The following OSBPL2 variants were observed in gnomAD, a reference collection of about 807,000 sequenced individuals.
OSBPL2 encodes oxysterol-binding protein-related protein 2.
OSBPL2 carries 18 observed loss-of-function variants against 58.4 expected under a neutral mutation model. The ratio of observed to expected loss-of-function variants is 0.31; its 90% CI spans 0.21 to 0.46. OSBPL2 has a LOEUF of 0.46. Among genes scored for constraint, OSBPL2 ranks in the 20% least tolerant of loss-of-function variants. OSBPL2 has a pLI of 1.00. For synonymous variants in OSBPL2, 221 were observed against 234.1 expected (o/e 0.94, Z 0.51); for missense variants, 461 against 616.5 (o/e 0.75, Z 2.67).
At chr20:62,266,367 A>G (rs1267960213) in intron 4 of OSBPL2, among the ~76,000 whole-genome samples, 1 of 152,154 alleles carries the variant, frequency 6.6e-6, no homozygotes, top group African/African-American at 2.4e-5. Context: ...TCTTTTTACT[A>G]CTTCTCAGCT....
rs369717951 is a variant in OSBPL2 at position 62,262,951 on chromosome 20, A to T, written c.183-665A>T. Reference sequence around the variant, plus strand: ...TGTGGGTCTGGCACGCCTCTCCCCAAATCCAAGTTTATGTCTCCATTCAGG... The same window carrying T: ...TGTGGGTCTGGCACGCCTCTCCCCATATCCAAGTTTATGTCTCCATTCAGG... On this transcript the variant is annotated intron_variant, in intron 3 of 13. Coordinates refer to ENST00000313733, the MANE Select transcript of OSBPL2 (RefSeq NM_144498.4). Among the ~76,000 whole-genome samples the T allele has an allele frequency of 1.1e-4, 17 of 152,078 alleles. No homozygotes were observed. In the East Asian group the frequency reaches 2.5e-3, roughly 22 times the overall value.
chr20:62,268,497 C>T (rs1165955142), intron 4 of OSBPL2, among the ~76,000 whole-genome samples: 1 of 152,168 alleles, frequency 6.6e-6, no homozygotes, highest in African/African-American at 2.4e-5. Flanking sequence ...ATCTTCTCCC[C>T]ACTTCTCCCC....
chr20:62,283,282 A>G (rs776554920), intron 9 of OSBPL2, among the ~76,000 whole-genome samples: 4 of 152,102 alleles, frequency 2.6e-5, no homozygotes, highest in Non-Finnish European at 5.9e-5. Flanking sequence ...CAGGCTGTCT[A>G]CTAGGTGAGG....
chr20:62,272,647 C>T (rs192172848), intron 5 of OSBPL2, among the ~76,000 whole-genome samples: 18 of 152,260 alleles, frequency 1.2e-4, no homozygotes, highest in Non-Finnish European at 2.2e-4. Context: ...GCCTGTAATC[C>T]CAACACTTCG....
rs1162068043 is a variant in OSBPL2, at chr20:62,281,822, C to T, written c.815C>T (p.Pro272Leu). ...CATAAGTGTGTGCTTCACTTTAAAC[C>T]GTGTGGATTATTTGGAAAAGAACTT... ...TGHKCVLHFK[P>L]CGLFGKELHK... The change falls in exon 9 of 14, where the codon CCG (proline) becomes CTG (leucine). Residue 272 changes from proline (P) to leucine (L), a missense_variant. By Grantham distance (98) the Pro-to-Leu change is moderately conservative (BLOSUM62 -3). Transcript: ENST00000313733. 20 of 1,612,046 alleles carry T rather than the reference C, an allele frequency of 1.2e-5. No individual in the cohort carries two copies. The highest frequency in any genetic ancestry group is 1.7e-5 in the Admixed American group (1 of 59,994).
At chr20:62,284,333 G>C (rs763082720) in intron 10 of OSBPL2, 164 bp downstream of exon 10, 1 of 704,842 alleles carries the variant, frequency 1.4e-6, no homozygotes. Flanking sequence ...ATATATTGTG[G>C]GTTCCAGTAT....
At chr20:62,278,991 C>G (rs1267855019) in intron 6 of OSBPL2, 166 bp from the exon 7 acceptor site, 2 of 595,454 alleles carry the variant, frequency 3.4e-6, no homozygotes, top group African/African-American at 3.7e-5. Flanking sequence ...AACGTTAGGC[C>G]AAGTGCAATG....
rs1983158950 is a variant in OSBPL2 at position 62,286,774 on chromosome 20, G to A, written c.1125+63G>A. On this transcript the variant is annotated intron_variant, in intron 11 of 13. Coordinates refer to ENST00000313733, the MANE Select transcript of OSBPL2 (RefSeq NM_144498.4). ...CATGTCACACCCACCTCTGGGCCCAGCCCCACGGCTCTTCCCTGTCCTTGG... is the reference window on the plus strand; with the variant it reads ...CATGTCACACCCACCTCTGGGCCCAACCCCACGGCTCTTCCCTGTCCTTGG... 7.7e-6 allele frequency: 12 copies of A among 1,552,646 alleles called. 1 individual carries two copies. In the South Asian group the frequency reaches 1.3e-4, roughly 16 times the overall value.
At chr20:62,290,153 T>G (rs1983398172) in intron 12 of OSBPL2, among the ~76,000 whole-genome samples, 1 of 152,164 alleles carries the variant, frequency 6.6e-6, no homozygotes, top group African/African-American at 2.4e-5. Flanking sequence ...ACTTTCTCAC[T>G]CACTCATCTA....
chr20:62,246,997 C>G (rs1980164271), intron 1 of OSBPL2, among the ~76,000 whole-genome samples: 1 of 152,206 alleles, frequency 6.6e-6, no homozygotes, highest in Admixed American at 6.5e-5. Context: ...ATTTGAGTGG[C>G]CAGGTTAGGC....
At chr20:62,240,420 C>T (rs927150824) in intron 1 of OSBPL2, among the ~76,000 whole-genome samples, 1 of 152,156 alleles carries the variant, frequency 6.6e-6, no homozygotes, top group African/African-American at 2.4e-5. Flanking sequence ...AATGATTGTT[C>T]CAGGACTGTT....
chr20:62,284,256 G>T (rs1176083691), intron 10 of OSBPL2, 87 bp downstream of exon 10: 1 of 1,545,436 alleles, frequency 6.5e-7, no homozygotes, highest in Non-Finnish European at 8.9e-7. Flanking sequence ...ACCTGTTGGG[G>T]TCCCAGGGAA....
intron 1 of OSBPL2, among the ~76,000 whole-genome samples, chr20:62,253,783 T>A (rs574668012): frequency 1.4e-5 from 2 of 145,034 alleles, no homozygotes; most frequent in Non-Finnish European, 3.0e-5. Context: ...AAACTCGCCC[T>A]TTTATTTATT....
chr20:62,280,545 C>G (rs1370938606), intron 7 of OSBPL2, among the ~76,000 whole-genome samples: 1 of 152,254 alleles, frequency 6.6e-6, no homozygotes, highest in East Asian at 1.9e-4. Context: ...CACGTAGCAC[C>G]TTAGAACATA....
intron 6 of OSBPL2, among the ~76,000 whole-genome samples, chr20:62,278,005 C>T (rs1034451403): frequency 2.0e-5 from 3 of 152,148 alleles, no homozygotes; most frequent in South Asian, 2.1e-4. Context: ...GGGAGTCCCT[C>T]GGGGTTGAGG....
intron 2 of OSBPL2, among the ~76,000 whole-genome samples, chr20:62,257,093 C>T (rs922771506): frequency 2.0e-5 from 3 of 152,252 alleles, no homozygotes; most frequent in Non-Finnish European, 4.4e-5. Context: ...TCTTTAGAAG[C>T]ACTTCTGCGG....
At chr20:62,242,412 C>CT (rs1979792548) in intron 1 of OSBPL2, 1 of 152,222 alleles carries the variant, frequency 6.6e-6, no homozygotes, top group Non-Finnish European at 1.5e-5. Context: ...CCTGTGACCT[C>CT]TGAGTTGAGC....
Position 62,288,857 on chromosome 20 carries a change from G to GC in OSBPL2, c.1126-349dup, listed in dbSNP as rs1983311341. Among the ~76,000 whole-genome samples the GC allele has an allele frequency of 6.6e-6, 1 of 152,148 alleles. No individual in the cohort carries two copies. Among genetic ancestry groups the GC allele is most frequent in the African/African-American group, 2.4e-5 (1 of 41,408 alleles). ...AGGTGTGGCTGAGGGCAGGAAAGGA[G>GC]CAGGTACAAGCTGAGGGTTTAGCAG... On this transcript the variant is annotated intron_variant, in intron 11 of 13. Transcript: ENST00000313733. The surrounding 1 kb of genome is among the most constrained non-coding windows in gnomAD (Gnocchi z 4.8).
At chr20:62,250,335 G>A (rs1276296542) in intron 1 of OSBPL2, among the ~76,000 whole-genome samples, 1 of 152,162 alleles carries the variant, frequency 6.6e-6, no homozygotes. Context: ...CTTCAGGAGC[G>A]ACCGGGAGGC....
Sources: allele counts gnomAD v4.1 joint callset (sites outside exome capture counted in the v4.1 genomes callset), GRCh38; gene constraint gnomAD v4.1.1; non-coding constraint Gnocchi (gnomAD v3.1); transcripts MANE v1.5; gene names NCBI Gene and HGNC (gene_info 2026-07-23, HGNC 2026-07-21).